RELCH: variants seen among roughly 807,000 people sequenced by gnomAD.
The protein encoded by RELCH is RAB11-binding protein RELCH.
In RELCH, 41 loss-of-function variants were observed where a neutral mutation model predicts 150.3. The ratio of observed to expected loss-of-function variants is 0.27; its 90% CI spans 0.21 to 0.35. The LOEUF (loss-of-function observed/expected upper bound fraction) is 0.35, where lower values mean the gene tolerates loss of function less well. Ranked by LOEUF, RELCH falls within the 10% of genes least tolerant of loss-of-function variation. RELCH has a pLI of 1.00. For synonymous variants in RELCH, 478 were observed against 531.8 expected (o/e 0.90, Z 1.39); for missense variants, 1,092 against 1,467.8 (o/e 0.74, Z 4.18).
At chr18:62,259,651 G>A (rs1394627872) in intron 15 of RELCH, among the ~76,000 whole-genome samples, 1 of 151,834 alleles carries the variant, frequency 6.6e-6, no homozygotes, top group Non-Finnish European at 1.5e-5. Context: ...AATTCATGTG[G>A]AACCACAAAA....
At chr18:62,256,757 T>C (rs2043011337) in intron 13 of RELCH, among the ~76,000 whole-genome samples, 1 of 152,028 alleles carries the variant, frequency 6.6e-6, no homozygotes, top group African/African-American at 2.4e-5. Flanking sequence ...ATTGCCACAG[T>C]TGACCCTTGC....
chr18:62,236,925 T>C (rs1051822620), intron 10 of RELCH, among the ~76,000 whole-genome samples: 2 of 151,786 alleles, frequency 1.3e-5, no homozygotes, highest in African/African-American at 2.4e-5. Flanking sequence ...TTAATGTAGG[T>C]ATTTATAGCT....
At chr18:62,252,585 G>T in intron 11 of RELCH, 79 bp from the exon 12 acceptor site, 1 of 952,302 alleles carries the variant, frequency 1.1e-6, no homozygotes, top group Non-Finnish European at 1.7e-6. Flanking sequence ...TGAATTTATA[G>T]AGATGAGACT....
At chr18:62,290,551 A>G (rs2045065855) in intron 26 of RELCH, among the ~76,000 whole-genome samples, 2 of 152,178 alleles carry the variant, frequency 1.3e-5, no homozygotes, top group South Asian at 4.1e-4. Context: ...TATCTTTATA[A>G]GGGAACTCAC....
intron 28 of RELCH, among the ~76,000 whole-genome samples, chr18:62,304,813 G>A (rs903065476): frequency 1.3e-5 from 2 of 152,122 alleles, no homozygotes; most frequent in African/African-American, 4.8e-5. Context: ...AAATGGACTC[G>A]AAACTGTTGA....
intron 22 of RELCH, among the ~76,000 whole-genome samples, chr18:62,277,353 A>G (rs2044266285): frequency 6.6e-6 from 1 of 152,092 alleles, no homozygotes; most frequent in Non-Finnish European, 1.5e-5. Flanking sequence ...ATGTTTTTCA[A>G]ATTCATTAAT....
In RELCH at chr18:62,227,269, G is replaced by GTT. The variant is rs375719941; in HGVS notation, c.859-11_859-10dup. ...TAAAATTTCCTCGAAGATTTTTTAT[G>GTT]TTTTTTTTTTATCTTTTAGGATTTT... On this transcript the variant is annotated intron_variant, in intron 5 of 28. Coordinates refer to ENST00000644646, the MANE Select transcript of RELCH (RefSeq NM_001346231.2). 8.6e-5 allele frequency: 113 copies of GTT among 1,307,454 alleles called. No homozygotes were observed. Among genetic ancestry groups the GTT allele is most frequent in the Non-Finnish European group, 1.0e-4 (100 of 955,838 alleles). The allele number at this position is 1,307,454 out of a possible 1,614,324, so 81.0% of individuals were successfully genotyped here.
chr18:62,210,169 G>A (rs2040068246), intron 1 of RELCH, among the ~76,000 whole-genome samples: 1 of 151,980 alleles, frequency 6.6e-6, no homozygotes. Context: ...GTTTTTCTCT[G>A]TCTGCTTTTA....
chr18:62,253,182 G>C (rs1683656579), intron 12 of RELCH, among the ~76,000 whole-genome samples: 1 of 151,674 alleles, frequency 6.6e-6, no homozygotes, highest in African/African-American at 2.4e-5. Context: ...AGGCAATGAT[G>C]TTTAGGAAAG....
At chr18:62,201,172 A>C (rs554190004) in intron 1 of RELCH, among the ~76,000 whole-genome samples, 2 of 151,584 alleles carry the variant, frequency 1.3e-5, no homozygotes, top group African/African-American at 4.8e-5. Context: ...ACGGAGTTTC[A>C]CCGTTTCAGC....
At chr18:62,277,456 T>C (rs2044272874) in intron 22 of RELCH, 2 of 396,832 alleles carry the variant, frequency 5.0e-6, no homozygotes, top group Non-Finnish European at 6.9e-6. Flanking sequence ...CAAAATTGTG[T>C]TAAAAGAATA....
intron 2 of RELCH, among the ~76,000 whole-genome samples, chr18:62,219,604 C>A (rs564370496): frequency 6.0e-4 from 91 of 151,364 alleles, no homozygotes; most frequent in Non-Finnish European, 1.2e-3. Context: ...CTAAGAGTTT[C>A]CGGAAGTGTA....
Position 62,227,269 on chromosome 18 carries a change from G to GTTT in RELCH, c.859-12_859-10dup. 7.6e-7 allele frequency: 1 copy of GTTT among 1,308,216 alleles called. No homozygotes were observed. The highest frequency in any genetic ancestry group is 1.0e-6 in the Non-Finnish European group (1 of 956,394). The allele number at this position is 1,308,216 out of a possible 1,614,324, so 81.0% of individuals were successfully genotyped here. A position where few individuals can be genotyped will look rare whatever the true frequency, so the allele number is the denominator to read the frequency against. On this transcript the variant is annotated intron_variant, in intron 5 of 28. Coordinates refer to ENST00000644646, the MANE Select transcript of RELCH (RefSeq NM_001346231.2). The stretch of plus-strand genomic sequence containing the variant: ...TAAAATTTCCTCGAAGATTTTTTAT[G>GTTT]TTTTTTTTTTATCTTTTAGGATTTT...
At chr18:62,289,197 G>C (rs1435311938) in intron 26 of RELCH, among the ~76,000 whole-genome samples, 1 of 152,110 alleles carries the variant, frequency 6.6e-6, no homozygotes, top group Non-Finnish European at 1.5e-5. Flanking sequence ...TACCAATATG[G>C]TAAGGGGAAG....
At chr18:62,280,218 T>A in intron 23 of RELCH, 1 of 661,586 alleles carries the variant, frequency 1.5e-6, no homozygotes, top group Non-Finnish European at 2.7e-6. Flanking sequence ...CATGAACCAA[T>A]GGCCTAACAT....
intron 25 of RELCH, among the ~76,000 whole-genome samples, chr18:62,286,999 G>A (rs1035657649): frequency 1.3e-5 from 2 of 152,074 alleles, no homozygotes; most frequent in African/African-American, 2.4e-5. Flanking sequence ...AAACTTAACT[G>A]CAAGTATAAA....
At chr18:62,216,358 C>T (rs1299724287) in intron 2 of RELCH, among the ~76,000 whole-genome samples, 1 of 151,988 alleles carries the variant, frequency 6.6e-6, no homozygotes, top group Non-Finnish European at 1.5e-5. Context: ...GATTTTAGAA[C>T]CCCCCTATAT....
In RELCH at chr18:62,252,562, C is replaced by A. The variant is rs150042498; in HGVS notation, c.1734-102C>A. On this transcript the variant is annotated intron_variant, in intron 11 of 28. Coordinates refer to ENST00000644646, the MANE Select transcript of RELCH (RefSeq NM_001346231.2). ...AAGTCTAATTTGATTGTATAAAAATCTTGTACTCTATGTGAATTTATAGAG... is the reference window on the plus strand; with the variant it reads ...AAGTCTAATTTGATTGTATAAAAATATTGTACTCTATGTGAATTTATAGAG... 5.4e-4 allele frequency: 420 copies of A among 784,118 alleles called. 2 individuals carry two copies. In the African/African-American group the frequency reaches 6.6e-3, roughly 12 times the overall value. 48.6% of individuals were successfully genotyped at this position (784,118 alleles called of 1,614,324 possible).
intron 28 of RELCH, 139 bp downstream of exon 28, chr18:62,298,999 T>C (rs1568451827): frequency 1.7e-6 from 1 of 575,892 alleles, no homozygotes; most frequent in Non-Finnish European, 3.1e-6. Context: ...ATTTAAGTCA[T>C]TGGTTCTCAA....
Sources: allele counts gnomAD v4.1 joint callset (sites outside exome capture counted in the v4.1 genomes callset), GRCh38; gene constraint gnomAD v4.1.1; transcripts MANE v1.5; gene names NCBI Gene and HGNC (gene_info 2026-07-23, HGNC 2026-07-21).